The following CLPP variants were observed in gnomAD, a reference collection of about 807,000 sequenced individuals.
The protein encoded by CLPP is ATP-dependent Clp protease proteolytic subunit, mitochondrial.
Under a neutral mutation model 27.4 loss-of-function variants are expected in CLPP, and 14 were observed. The ratio of observed to expected loss-of-function variants is 0.51; its 90% CI spans 0.34 to 0.80. The LOEUF (loss-of-function observed/expected upper bound fraction) is 0.80, where lower values mean the gene tolerates loss of function less well. Among genes scored for constraint, CLPP ranks in the 30% least tolerant of loss-of-function variants. The pLI, the probability that CLPP is intolerant of heterozygous loss-of-function variation, is 0.02. For missense variants in CLPP, 361 were observed against 403.6 expected (o/e 0.89, Z 0.90); for synonymous variants, 193 against 166.6 (o/e 1.16, Z -1.22).
In CLPP at chr19:6,369,078, GA is replaced by G. The variant is rs2091875617; in HGVS notation, c.*371del. On this transcript the variant is annotated 3_prime_UTR_variant, in exon 6 of 6. Coordinates refer to ENST00000245816, the MANE Select transcript of CLPP (RefSeq NM_006012.4). ...GTGTTCTTTTGTGAAGAAGACACAAGAAACCCTCCTCAAAAGAGCTCCATTC... is the reference window on the plus strand; with the variant it reads ...GTGTTCTTTTGTGAAGAAGACACAAGAACCCTCCTCAAAAGAGCTCCATTC... Among the ~76,000 whole-genome samples the G allele has an allele frequency of 6.6e-6, 1 of 152,030 alleles. No homozygotes were observed. Among genetic ancestry groups the G allele is most frequent in the Non-Finnish European group, 1.5e-5 (1 of 68,012 alleles).
rs775444908 is a variant in CLPP, at chr19:6,361,816, G to A, written c.198+44G>A. ...GACACGGTTCGGGGGCTCCGGGCTG[G>A]GTGGGGATCGGCTGGCTGCCCCGGC... On this transcript the variant is annotated intron_variant, in intron 1 of 5. Transcript: ENST00000245816. The A allele has an allele frequency of 3.2e-6, 5 of 1,539,684 alleles. No individual in the cohort carries two copies. The South Asian group carries it at 4.6e-5, about 14-fold the overall frequency.
At chr19:6,368,184 T>C (rs1336335746) in intron 5 of CLPP, among the ~76,000 whole-genome samples, 1 of 152,166 alleles carries the variant, frequency 6.6e-6, no homozygotes, top group African/African-American at 2.4e-5. Flanking sequence ...CTCACAGTTC[T>C]GGGGGCTGGG....
rs1038800103 is a variant in CLPP, at chr19:6,364,495, G to A, written c.411G>A (p.Gln137=). The A allele has an allele frequency of 1.1e-5, 17 of 1,611,640 alleles. No individual in the cohort carries two copies. The highest frequency in any genetic ancestry group is 1.4e-5 in the Non-Finnish European group (17 of 1,179,602). ...GCCTGGCCATCTACGACACGATGCA[G>A]TACATCCTCAACCCGATCTGCACCT... ...TAGLAIYDTM[Q]YILNPICTWC... The change falls in exon 4 of 6, where the codon CAG becomes CAA. Residue 137 remains glutamine, a synonymous_variant. Transcript: ENST00000245816.
rs1199682821 is a variant in CLPP, at chr19:6,366,373, C to T, written c.661+10C>T. On this transcript the variant is annotated intron_variant, in intron 5 of 5. Coordinates refer to ENST00000245816, the MANE Select transcript of CLPP (RefSeq NM_006012.4). ...AGCCTGCAGGTGATCGGTAAGCACC[C>T]TCCTTTATTTCATCCTGGTCCGTGC... The T allele has an allele frequency of 2.5e-6, 4 of 1,593,260 alleles. No homozygotes were observed. In the Admixed American group the frequency reaches 6.8e-5, roughly 27 times the overall value.
rs1168845232 is a variant in CLPP at position 6,364,450 on chromosome 19, A to G, written c.368-2A>G. 6.2e-7 allele frequency: 1 copy of G among 1,605,328 alleles called. No individual in the cohort carries two copies. ...GCCCCTCACTTGCTCCCCCGCCCAC[A>G]GGTGGTGTGGTGACCGCGGGCCTGG... On this transcript the variant is annotated splice_acceptor_variant, in intron 3 of 5. Transcript: ENST00000245816. LOFTEE classifies it high-confidence loss of function.
chr19:6,364,235 T>A (rs2091850440), intron 3 of CLPP, among the ~76,000 whole-genome samples: 1 of 152,004 alleles, frequency 6.6e-6, no homozygotes, highest in South Asian at 2.1e-4. Flanking sequence ...TTTCACTGTG[T>A]TAGCCAGGAT....
At chr19:6,363,211 T>C (rs1203982229) in intron 3 of CLPP, among the ~76,000 whole-genome samples, 1 of 132,614 alleles carries the variant, frequency 7.5e-6, no homozygotes, top group East Asian at 2.3e-4. Flanking sequence ...CTGCAACCTC[T>C]GCCTCCTTGG....
intron 2 of CLPP, chr19:6,362,162 C>G (rs190571355): frequency 1.7e-6 from 1 of 602,464 alleles, no homozygotes; most frequent in African/African-American, 1.9e-5. Context: ...TTCCTGACAC[C>G]TGGCACCGCT....
chr19:6,361,967 C>T (rs1175164771), intron 2 of CLPP, 27 bp downstream of exon 2: 3 of 1,590,488 alleles, frequency 1.9e-6, no homozygotes, highest in Non-Finnish European at 2.6e-6. Context: ...GGGACCCTCC[C>T]CAGGACTCTC....
chr19:6,361,752 C>A lies in CLPP; in HGVS notation c.178C>A (p.Pro60Thr), dbSNP rs2091834919. 1.3e-6 allele frequency: 2 copies of A among 1,532,334 alleles called. No homozygotes were observed. Among genetic ancestry groups the A allele is most frequent in the Non-Finnish European group, 8.7e-7 (1 of 1,145,538 alleles). 94.9% of individuals were successfully genotyped at this position (1,532,334 alleles called of 1,614,324 possible). The change falls in exon 1 of 6, where the codon CCC (proline) becomes ACC (threonine). Residue 60 changes from proline to threonine, a missense_variant. Pro to Thr is a conservative substitution (Grantham distance 38). Around this residue, in one of 2 missense-constraint regions of CLPP, gnomAD observed 148 missense variants for 122.6 expected, o/e 1.21. Coordinates refer to ENST00000245816, the MANE Select transcript of CLPP (RefSeq NM_006012.4). ...ATATRALPLIPIVVEQTGRGE... is the reference protein window; with the variant it reads ...ATATRALPLITIVVEQTGRGE... ...GGCGACCCGGGCTCTCCCGCTCATTCCCATCGTGGTGGAGCAGACGGTACG... is the reference window on the plus strand; with the variant it reads ...GGCGACCCGGGCTCTCCCGCTCATTACCATCGTGGTGGAGCAGACGGTACG...
chr19:6,362,078 C>T (rs1383252655), intron 2 of CLPP, 138 bp downstream of exon 2: 5 of 763,516 alleles, frequency 6.5e-6, no homozygotes, highest in Non-Finnish European at 4.2e-6. Context: ...CCTTCTGACT[C>T]CCCTCCTGGC....
At chr19:6,362,286 A>ACTACTCTCTCCC in intron 2 of CLPP, 160 bp from the exon 3 acceptor site, 1 of 496,676 alleles carries the variant, frequency 2.0e-6, no homozygotes, top group Middle Eastern at 3.1e-4. Context: ...GGTCCTCTCC[A>ACTACTCTCTCCC]CTACTCTCTC....
intron 4 of CLPP, 92 bp downstream of exon 4, chr19:6,364,731 G>GTT (rs371513262): frequency 2.5e-3 from 2,176 of 860,886 alleles, no homozygotes; most frequent in Non-Finnish European, 3.0e-3. Flanking sequence ...GGGAGGGGAT[G>GTT]TTTTTTTTTT....
chr19:6,364,334 T>G, intron 3 of CLPP, 118 bp from the exon 4 acceptor site: 1 of 952,702 alleles, frequency 1.0e-6, no homozygotes, highest in Non-Finnish European at 1.6e-6. Context: ...CCAGTCATAT[T>G]AATTTTTAAA....
chr19:6,366,182 G>C (rs898367417), intron 4 of CLPP, 76 bp from the exon 5 acceptor site: 2 of 964,460 alleles, frequency 2.1e-6, no homozygotes, highest in Non-Finnish European at 3.2e-6. Context: ...GCTCCTGAGT[G>C]CCACCTCCAG....
In CLPP at chr19:6,366,252, C is replaced by T; in HGVS notation, c.556-6C>T. 2 of 1,604,804 alleles carry T rather than the reference C, an allele frequency of 1.2e-6. No individual in the cohort carries two copies. Among genetic ancestry groups the T allele is most frequent in the Non-Finnish European group, 1.7e-6 (2 of 1,173,950 alleles). Reference sequence around the variant, plus strand: ...TTACCCCCTCACTCCCTTGGACGTCCCTCAGGGCCAAGCCACAGACATTGC... The same window carrying T: ...TTACCCCCTCACTCCCTTGGACGTCTCTCAGGGCCAAGCCACAGACATTGC... On this transcript the variant is annotated splice_region_variant and splice_polypyrimidine_tract_variant and intron_variant, in intron 4 of 5. Transcript: ENST00000245816.
chr19:6,368,415 A>C, intron 5 of CLPP, 123 bp from the exon 6 acceptor site: 1 of 904,684 alleles, frequency 1.1e-6, no homozygotes, highest in Non-Finnish European at 1.7e-6. Context: ...CCACTAGGGG[A>C]TGGGGCTTCA....
intron 4 of CLPP, chr19:6,364,951 C>T (rs762843296): frequency 3.1e-4 from 81 of 258,288 alleles, no homozygotes; most frequent in Non-Finnish European, 5.3e-4. Context: ...GTCTCGATCT[C>T]CTGACCTCGT....
chr19:6,366,458 C>G (rs1370664277), intron 5 of CLPP, 95 bp downstream of exon 5: 24 of 920,468 alleles, frequency 2.6e-5, no homozygotes, highest in Middle Eastern at 2.2e-4. Context: ...TGCGGACTTT[C>G]AGGGCTGGAT....
Sources: allele counts gnomAD v4.1 joint callset (sites outside exome capture counted in the v4.1 genomes callset), GRCh38; gene constraint gnomAD v4.1.1; regional missense constraint gnomAD v4.1.1; transcripts MANE v1.5; gene names NCBI Gene and HGNC (gene_info 2026-07-23, HGNC 2026-07-21).